OR4M1: variants seen among roughly 807,000 people sequenced by gnomAD.
The protein encoded by OR4M1 is olfactory receptor 4M1.
OR4M1 carries 7 observed loss-of-function variants against 9.8 expected under a neutral mutation model. The observed-to-expected ratio is 0.71, with a 90% CI of 0.41 to 1.34. The LOEUF (loss-of-function observed/expected upper bound fraction) is 1.34. OR4M1 is among the 40% of genes most tolerant of loss of function. The pLI is 0.01. For synonymous variants in OR4M1, 121 were observed against 139.8 expected (o/e 0.87, Z 0.95); for missense variants, 331 against 380.4 (o/e 0.87, Z 1.08).
chr14:19,777,979 C>T (rs1269322135), intron 1 of OR4M1, among the ~76,000 whole-genome samples: 1 of 152,026 alleles, frequency 6.6e-6, no homozygotes, highest in Non-Finnish European at 1.5e-5. Context: ...TAAGATGCTC[C>T]AGCAAAATAT....
rs188904472 is a variant in OR4M1, at chr14:19,782,533, G to C, written c.*1269G>C. On this transcript the variant is annotated 3_prime_UTR_variant, in exon 2 of 2. Transcript: ENST00000641200. Reference sequence around the variant, plus strand: ...AGGAATGAATATATAAAAATAAATCGTATAACTATTCCTAGAGTTACTATT... The same window carrying C: ...AGGAATGAATATATAAAAATAAATCCTATAACTATTCCTAGAGTTACTATT... 1 of 152,226 alleles carries C rather than the reference G, an allele frequency of 6.6e-6. No homozygotes were observed. Among genetic ancestry groups the C allele is most frequent in the East Asian group, 1.9e-4 (1 of 5,192 alleles). The allele number at this position is 152,226 out of a possible 1,614,324, so 9.4% of individuals were successfully genotyped here.
intron 1 of OR4M1, among the ~76,000 whole-genome samples, chr14:19,775,584 T>C (rs1217562064): frequency 6.8e-6 from 1 of 147,394 alleles, no homozygotes; most frequent in Non-Finnish European, 1.5e-5. Flanking sequence ...GTAATATATG[T>C]AAATATATAA....
chr14:19,777,981 G>C (rs1878361585), intron 1 of OR4M1, among the ~76,000 whole-genome samples: 1 of 152,132 alleles, frequency 6.6e-6, no homozygotes, highest in African/African-American at 2.4e-5. Context: ...AGATGCTCCA[G>C]CAAAATATTT....
At chr14:19,775,674 A>T (rs1367641444) in intron 1 of OR4M1, among the ~76,000 whole-genome samples, 1 of 147,032 alleles carries the variant, frequency 6.8e-6, no homozygotes. Flanking sequence ...AGTAAATTAA[A>T]AGAATATATT....
intron 1 of OR4M1, among the ~76,000 whole-genome samples, chr14:19,780,087 T>A (rs1158480188): frequency 6.6e-6 from 1 of 152,278 alleles, no homozygotes; most frequent in African/African-American, 2.4e-5. Flanking sequence ...TTCAAATATA[T>A]GCCACACTTC....
In OR4M1 at chr14:19,780,668, A is replaced by G; in HGVS notation, c.346A>G (p.Thr116Ala). Residue 116 changes from threonine (T) to alanine (A), a missense_variant, in exon 2 of 2, where the codon ACA becomes GCA. By Grantham distance (58) the Thr-to-Ala change is moderately conservative. Coordinates refer to ENST00000641200, the MANE Select transcript of OR4M1 (RefSeq NM_001005500.2). ...FVGASEMFLL[T>A]VMAYDRYAAI... is the part of the protein sequence containing the mutation. Reference sequence around the variant, plus strand: ...TGGGGCTTCGGAGATGTTCTTGCTCACAGTGATGGCCTATGACCGCTATGC... The same window carrying G: ...TGGGGCTTCGGAGATGTTCTTGCTCGCAGTGATGGCCTATGACCGCTATGC... The G allele has an allele frequency of 6.2e-7, 1 of 1,614,226 alleles. No homozygotes were observed. The highest frequency in any genetic ancestry group is 8.5e-7 in the Non-Finnish European group (1 of 1,180,040).
intron 1 of OR4M1, among the ~76,000 whole-genome samples, chr14:19,774,052 A>G (rs1162645243): frequency 1.3e-5 from 2 of 152,260 alleles, no homozygotes; most frequent in African/African-American, 2.4e-5. Flanking sequence ...TAGTTCTTCA[A>G]GATGATCTCT....
intron 1 of OR4M1, 38 bp from the exon 2 acceptor site, chr14:19,780,256 G>A (rs935558927): frequency 6.2e-6 from 9 of 1,460,428 alleles, no homozygotes; most frequent in Middle Eastern, 1.8e-4. Context: ...CTAGATAAAT[G>A]CTATGTGGAC....
Position 19,781,147 on chromosome 14 carries a change from G to A in OR4M1, c.825G>A (p.Val275=). ...DSFSLDKVVS[V]FHTVIFPLLN... is the part of the protein sequence containing the mutation. ...TTTCCCTAGATAAAGTGGTGTCTGTGTTTCATACTGTAATATTCCCTTTAC... is the reference window on the plus strand; with the variant it reads ...TTTCCCTAGATAAAGTGGTGTCTGTATTTCATACTGTAATATTCCCTTTAC... The change falls in exon 2 of 2, where the codon GTG becomes GTA. Residue 275 remains valine (V), a synonymous_variant. Coordinates refer to ENST00000641200, the MANE Select transcript of OR4M1 (RefSeq NM_001005500.2). 1 of 1,614,182 alleles carries A rather than the reference G, an allele frequency of 6.2e-7. No homozygotes were observed. The highest frequency in any genetic ancestry group is 8.5e-7 in the Non-Finnish European group (1 of 1,180,036).
rs540982133 is a variant in OR4M1 at position 19,783,325 on chromosome 14, C to T, written c.*2061C>T. ...CATTTGTGGTGGTCACAACTGAGGA[C>T]GTATATTGGCATCTTGTACTATTTA... On this transcript the variant is annotated 3_prime_UTR_variant, in exon 2 of 2. Coordinates refer to ENST00000641200, the MANE Select transcript of OR4M1 (RefSeq NM_001005500.2). 7.2e-5 allele frequency: 11 copies of T among 152,476 alleles called. No individual in the cohort carries two copies. Among genetic ancestry groups the T allele is most frequent in the East Asian group, 5.8e-4 (3 of 5,188 alleles). 9.4% of individuals were successfully genotyped at this position (152,476 alleles called of 1,614,324 possible).
Position 19,781,332 on chromosome 14 carries a change from A to G in OR4M1, c.*68A>G. 1 of 1,277,954 alleles carries G rather than the reference A, an allele frequency of 7.8e-7. No individual in the cohort carries two copies. The highest frequency in any genetic ancestry group is 1.1e-6 in the Non-Finnish European group (1 of 925,694). 79.2% of individuals were successfully genotyped at this position (1,277,954 alleles called of 1,614,324 possible). On this transcript the variant is annotated 3_prime_UTR_variant, in exon 2 of 2. Coordinates refer to ENST00000641200, the MANE Select transcript of OR4M1 (RefSeq NM_001005500.2). ...CCTAAAGCAGGAAGTATTTGCAGTAATAATGCTGCATTCACTTCCTCCGTT... is the reference window on the plus strand; with the variant it reads ...CCTAAAGCAGGAAGTATTTGCAGTAGTAATGCTGCATTCACTTCCTCCGTT...
In OR4M1 at chr14:19,781,193, T is replaced by A. The variant is rs774227360; in HGVS notation, c.871T>A (p.Leu291Met). ...TTTACTTAATCCCATTATTTACACA[T>A]TGAGAAACAAGGAAGTAAAGGCAGC... ...FPLLNPIIYT[L>M]RNKEVKAAMR... The change falls in exon 2 of 2, where the codon TTG (leucine) becomes ATG (methionine). Residue 291 changes from leucine (L) to methionine (M), a missense_variant. By Grantham distance (15) the Leu-to-Met change is conservative. This residue lies in a region of OR4M1 where 122 missense variants were observed against 180.5 expected (regional missense o/e 0.68). Coordinates refer to ENST00000641200, the MANE Select transcript of OR4M1 (RefSeq NM_001005500.2). 1 of 1,614,154 alleles carries A rather than the reference T, an allele frequency of 6.2e-7. No homozygotes were observed.
chr14:19,777,059 GT>G (rs1386217668), intron 1 of OR4M1, among the ~76,000 whole-genome samples: 1 of 83,922 alleles, frequency 1.2e-5, no homozygotes, highest in Non-Finnish European at 2.5e-5. Flanking sequence ...TTGTTTGTTT[GT>G]TTTTCCTGTA....
At chr14:19,778,182 T>G (rs1878365952) in intron 1 of OR4M1, among the ~76,000 whole-genome samples, 1 of 152,222 alleles carries the variant, frequency 6.6e-6, no homozygotes, top group African/African-American at 2.4e-5. Context: ...AGAAAATCTC[T>G]TTGACACTTT....
chr14:19,774,320 T>C (rs2138426148), intron 1 of OR4M1, among the ~76,000 whole-genome samples: 1 of 152,168 alleles, frequency 6.6e-6, no homozygotes, highest in East Asian at 1.9e-4. Flanking sequence ...GTGTTTAATT[T>C]TTGTCAAAGT....
chr14:19,773,869 G>T (rs1242702929), intron 1 of OR4M1, among the ~76,000 whole-genome samples: 1 of 152,220 alleles, frequency 6.6e-6, no homozygotes, highest in Non-Finnish European at 1.5e-5. Flanking sequence ...AGACAGCTTG[G>T]TCATTTTATA....
chr14:19,778,119 T>C (rs1354459061), intron 1 of OR4M1, among the ~76,000 whole-genome samples: 1 of 152,242 alleles, frequency 6.6e-6, no homozygotes, highest in African/African-American at 2.4e-5. Context: ...ATGCAAAGTA[T>C]ATACATCATT....
At chr14:19,777,604 A>G (rs770240919) in intron 1 of OR4M1, among the ~76,000 whole-genome samples, 3 of 152,118 alleles carry the variant, frequency 2.0e-5, no homozygotes, top group African/African-American at 2.4e-5. Flanking sequence ...TTCCTTGTTC[A>G]TTGTTGTGTC....
rs759435118 is a variant in OR4M1, at chr14:19,781,474, C to G, written c.*210C>G. 3.7e-6 allele frequency: 2 copies of G among 544,850 alleles called. No individual in the cohort carries two copies. The highest frequency in any genetic ancestry group is 6.3e-6 in the Non-Finnish European group (2 of 315,394). 33.8% of individuals were successfully genotyped at this position (544,850 alleles called of 1,614,324 possible). On this transcript the variant is annotated 3_prime_UTR_variant, in exon 2 of 2. Coordinates refer to ENST00000641200, the MANE Select transcript of OR4M1 (RefSeq NM_001005500.2). ...CTCACACCTACCCTGAAATTCCAGG[C>G]AGATCATTATTAGAATTTGAGATAT...
Sources: allele counts gnomAD v4.1 joint callset (sites outside exome capture counted in the v4.1 genomes callset), GRCh38; gene constraint gnomAD v4.1.1; regional missense constraint gnomAD v4.1.1; transcripts MANE v1.5; gene names NCBI Gene and HGNC (gene_info 2026-07-23, HGNC 2026-07-21).